The following RBFOX1 variants were observed in gnomAD, a reference collection of about 807,000 sequenced individuals.
RBFOX1 encodes the protein RNA binding fox-1 homolog 1, also known as RNA binding protein fox-1 homolog 1.
RBFOX1 carries 8 observed loss-of-function variants against 57.7 expected under a neutral mutation model. That is an observed-to-expected ratio of 0.14 (90% CI 0.08 to 0.25). RBFOX1 has a LOEUF of 0.25. Ranked by LOEUF, RBFOX1 falls within the 10% of genes least tolerant of loss-of-function variation. The probability of loss-of-function intolerance (pLI) is 1.00; values close to 1 mark genes in which losing one functional copy is unlikely to be tolerated. For synonymous variants in RBFOX1, 326 were observed against 222.4 expected, an observed-to-expected ratio of 1.47 and a Z score of -4.15; for missense variants, 611 against 548.5, an observed-to-expected ratio of 1.11 and a Z score of -1.14.
At chr16:7,630,113 C>T (rs2060702896) in intron 10 of RBFOX1, among the ~76,000 whole-genome samples, 1 of 151,898 alleles carries the variant, frequency 6.6e-6, no homozygotes, top group South Asian at 2.1e-4. Context: ...ATGCCAGCCC[C>T]TGCCCTGGGT....
chr16:6,976,927 TTA>T (rs201232190), intron 3 of RBFOX1, among the ~76,000 whole-genome samples: 1 of 142,822 alleles, frequency 7.0e-6, no homozygotes, highest in Non-Finnish European at 1.5e-5. Flanking sequence ...ATATTGTATA[TTA>T]TATATATCAT....
At chr16:6,702,667 G>C (rs1229497306) in intron 3 of RBFOX1, among the ~76,000 whole-genome samples, 1 of 152,214 alleles carries the variant, frequency 6.6e-6, no homozygotes, top group Non-Finnish European at 1.5e-5. Flanking sequence ...TGACTGGTGA[G>C]AATAATTGCT....
intron 4 of RBFOX1, among the ~76,000 whole-genome samples, chr16:7,241,816 CATAT>C (rs113136959): frequency 0.045 from 6,851 of 151,720 alleles, 182 homozygotes; most frequent in Middle Eastern, 0.087. Flanking sequence ...CTCACATATA[CATAT>C]ATGTTTATAC....
At chr16:5,736,106 G>T (rs186962049) in intron 3 of RBFOX1, among the ~76,000 whole-genome samples, 24 of 152,188 alleles carry the variant, frequency 1.6e-4, no homozygotes, top group Non-Finnish European at 2.8e-4. Flanking sequence ...CTTCTTTACT[G>T]GCTGCGATGA....
intron 4 of RBFOX1, among the ~76,000 whole-genome samples, chr16:7,202,943 A>C (rs1370422394): frequency 6.6e-6 from 1 of 151,986 alleles, no homozygotes; most frequent in African/African-American, 2.4e-5. Flanking sequence ...CTGGAGTGCC[A>C]GGCTAATTTT....
chr16:6,994,952 T>TGTGTGTGG (rs1051250342), intron 3 of RBFOX1, among the ~76,000 whole-genome samples: 3 of 151,474 alleles, frequency 2.0e-5, no homozygotes, highest in African/African-American at 7.3e-5. Flanking sequence ...ATTTTGTGTG[T>TGTGTGTGG]GTGTGTGTGT....
intron 1 of RBFOX1, among the ~76,000 whole-genome samples, chr16:5,353,889 T>A (rs2065322642): frequency 6.6e-6 from 1 of 151,404 alleles, no homozygotes. Context: ...TCAGAGGGTC[T>A]TGCTGTATCT....
intron 3 of RBFOX1, among the ~76,000 whole-genome samples, chr16:6,846,018 G>C (rs532716934): frequency 6.6e-6 from 1 of 152,170 alleles, no homozygotes; most frequent in Admixed American, 6.5e-5. Flanking sequence ...CTGTGCATCT[G>C]CTTCAGGCCA....
At chr16:7,461,044 T>C (rs33946670) in intron 4 of RBFOX1, among the ~76,000 whole-genome samples, 53,102 of 152,144 alleles carry the variant, frequency 0.35, 10,487 homozygotes, top group Non-Finnish European at 0.45. Context: ...TTTAGGTTTC[T>C]GTTAGCCAGA....
At chr16:7,025,499 G>T (rs1056208187) in intron 3 of RBFOX1, among the ~76,000 whole-genome samples, 2 of 152,152 alleles carry the variant, frequency 1.3e-5, no homozygotes, top group African/African-American at 4.8e-5. Context: ...GTTGTACCCA[G>T]CCCCTATGGA....
intron 3 of RBFOX1, among the ~76,000 whole-genome samples, chr16:5,712,547 G>T (rs897033755): frequency 3.3e-5 from 5 of 152,198 alleles, no homozygotes; most frequent in African/African-American, 1.2e-4. Flanking sequence ...TTAGCGGCTG[G>T]TGTTCTAGGG....
chr16:7,235,015 T>G (rs1307725063), intron 4 of RBFOX1, among the ~76,000 whole-genome samples: 1 of 152,156 alleles, frequency 6.6e-6, no homozygotes, highest in Non-Finnish European at 1.5e-5. Context: ...TCTAACGATT[T>G]TTTGCAAGGC....
chr16:6,559,770 T>G (rs945839699), intron 2 of RBFOX1, among the ~76,000 whole-genome samples: 3 of 152,134 alleles, frequency 2.0e-5, no homozygotes, highest in Non-Finnish European at 4.4e-5. Context: ...ACACCTACTA[T>G]GTGCCAGGCG....
intron 4 of RBFOX1, among the ~76,000 whole-genome samples, chr16:7,344,945 A>G (rs2145544879): frequency 6.6e-6 from 1 of 152,250 alleles, no homozygotes; most frequent in South Asian, 2.1e-4. Context: ...TTTTTCCCCC[A>G]CTGTCTCACA....
chr16:5,774,256 G>T (rs141584513), intron 3 of RBFOX1, among the ~76,000 whole-genome samples: 1 of 152,136 alleles, frequency 6.6e-6, no homozygotes, highest in Non-Finnish European at 1.5e-5. Flanking sequence ...CAGACAGACA[G>T]ACAGAGACCC....
intron 3 of RBFOX1, among the ~76,000 whole-genome samples, chr16:5,680,999 AAG>A (rs1424492693): frequency 6.6e-6 from 1 of 152,046 alleles, no homozygotes; most frequent in Admixed American, 6.6e-5. Flanking sequence ...CCATAAAAGA[AAG>A]AAGGTAAAAT....
intron 1 of RBFOX1, among the ~76,000 whole-genome samples, chr16:5,324,565 C>G (rs931705106): frequency 1.3e-5 from 2 of 152,178 alleles, no homozygotes; most frequent in Non-Finnish European, 2.9e-5. Context: ...CCTCAGTGCC[C>G]ATCAGTGGTA....
intron 4 of RBFOX1, among the ~76,000 whole-genome samples, chr16:7,287,431 A>G (rs932399195): frequency 3.3e-5 from 5 of 152,112 alleles, no homozygotes; most frequent in African/African-American, 9.7e-5. Flanking sequence ...ATCACCATCA[A>G]ACTTGCTCTA....
chr16:7,137,331 T>C (rs1254842647), intron 4 of RBFOX1, among the ~76,000 whole-genome samples: 1 of 152,152 alleles, frequency 6.6e-6, no homozygotes, highest in African/African-American at 2.4e-5. Flanking sequence ...CTCCTGTAAT[T>C]CCCACATGTT....
Sources: allele counts gnomAD v4.1 joint callset (sites outside exome capture counted in the v4.1 genomes callset), GRCh38; gene constraint gnomAD v4.1.1; transcripts MANE v1.5; gene names NCBI Gene and HGNC (gene_info 2026-07-23, HGNC 2026-07-21).